CAST: variants seen among roughly 807,000 people sequenced by gnomAD.
The protein encoded by CAST is calpastatin, also known as MIR583 host.
In CAST, 76 loss-of-function variants were observed where a neutral mutation model predicts 119.6. The observed-to-expected ratio is 0.64, with a 90% CI of 0.53 to 0.77. CAST has a LOEUF of 0.77. CAST is among the 30% of genes least tolerant of loss of function. CAST has a pLI of 0.00. For missense variants in CAST, 953 were observed against 946.5 expected (o/e 1.01, Z -0.09); for synonymous variants, 319 against 331.6 (o/e 0.96, Z 0.41).
At chr5:96,412,480 C>G in the CAST span, 3 of 1,614,002 alleles carry the variant, frequency 1.9e-6, no homozygotes, top group Non-Finnish European at 1.7e-6. Flanking sequence ...TGCCATCCAG[C>G]ATTCTTATGC....
chr5:96,641,373 G>T (rs2150203398), intron 1 of CAST, among the ~76,000 whole-genome samples: 1 of 152,144 alleles, frequency 6.6e-6, no homozygotes, highest in African/African-American at 2.4e-5. Flanking sequence ...CCATCTTCTG[G>T]TTCCTTGTTA....
the CAST span, among the ~76,000 whole-genome samples, chr5:96,377,729 A>G: frequency 7.2e-5 from 11 of 152,230 alleles, no homozygotes; most frequent in South Asian, 2.1e-3. Flanking sequence ...ATGTGCAACT[A>G]TTTACCCATT....
intron 2 of CAST, among the ~76,000 whole-genome samples, chr5:96,690,090 T>C (rs1752552253): frequency 6.6e-6 from 1 of 152,132 alleles, no homozygotes; most frequent in Non-Finnish European, 1.5e-5. Flanking sequence ...CTTGAGGGGT[T>C]CCACTTGAGA....
the CAST span, among the ~76,000 whole-genome samples, chr5:95,997,093 C>A: frequency 1.1e-4 from 16 of 152,134 alleles, no homozygotes; most frequent in Non-Finnish European, 2.2e-4. Flanking sequence ...TACAATGACT[C>A]AACAGATTCT....
the CAST span, among the ~76,000 whole-genome samples, chr5:96,283,344 G>A: frequency 1.1e-4 from 16 of 152,056 alleles, no homozygotes; most frequent in Non-Finnish European, 1.8e-4. Flanking sequence ...AGAGTATAAG[G>A]GGCTTCAAAA....
chr5:96,349,989 T>C, the CAST span, among the ~76,000 whole-genome samples: 8 of 152,288 alleles, frequency 5.3e-5, no homozygotes, highest in African/African-American at 1.9e-4. Flanking sequence ...ACACACTTGA[T>C]TGACAATCGA....
chr5:96,739,291 T>C (rs1013587103), intron 11 of CAST, among the ~76,000 whole-genome samples: 6 of 152,160 alleles, frequency 3.9e-5, no homozygotes, highest in Non-Finnish European at 8.8e-5. Flanking sequence ...GCCTTGCCCA[T>C]GTGTGCAAGG....
chr5:96,724,463 A>G (rs1018189829), intron 4 of CAST, among the ~76,000 whole-genome samples: 1 of 152,114 alleles, frequency 6.6e-6, no homozygotes, highest in Non-Finnish European at 1.5e-5. Context: ...GATTACAGGC[A>G]TGAGCCACTG....
upstream of CAST, among the ~76,000 whole-genome samples, chr5:96,658,315 A>C (rs887136073): frequency 2.6e-5 from 4 of 152,166 alleles, no homozygotes; most frequent in African/African-American, 9.7e-5. Context: ...GCACATACAC[A>C]AAAGAAGCAA....
chr5:96,501,579 A>C, the CAST span, among the ~76,000 whole-genome samples: 2 of 152,242 alleles, frequency 1.3e-5, no homozygotes, highest in African/African-American at 2.4e-5. Context: ...AATTGACCAG[A>C]GGAAAATGTG....
chr5:96,452,640 T>TTAAAAA, the CAST span, among the ~76,000 whole-genome samples: 1 of 90,140 alleles, frequency 1.1e-5, no homozygotes, highest in African/African-American at 5.1e-5. Flanking sequence ...TAAAGTATAA[T>TTAAAAA]AAAAAAAAAA....
At chr5:96,224,918 T>A in the CAST span, among the ~76,000 whole-genome samples, 3 of 152,228 alleles carry the variant, frequency 2.0e-5, no homozygotes, top group African/African-American at 7.2e-5. Context: ...TCAGCTCATG[T>A]GCCCACCCCT....
chr5:96,065,036 A>C, the CAST span, among the ~76,000 whole-genome samples: 3 of 152,124 alleles, frequency 2.0e-5, no homozygotes, highest in East Asian at 5.8e-4. Context: ...TTAAAAGCTA[A>C]CTGTTGCCTT....
At chr5:95,965,955 T>A in the CAST span, among the ~76,000 whole-genome samples, 1 of 152,202 alleles carries the variant, frequency 6.6e-6, no homozygotes, top group African/African-American at 2.4e-5. Flanking sequence ...TCATCATTAT[T>A]GCTAAATTTG....
chr5:96,374,593 G>A, the CAST span, among the ~76,000 whole-genome samples: 1 of 152,186 alleles, frequency 6.6e-6, no homozygotes, highest in Non-Finnish European at 1.5e-5. Flanking sequence ...TGTGTCTGCT[G>A]AACATCTTTT....
At chr5:96,267,652 C>T in the CAST span, among the ~76,000 whole-genome samples, 1 of 152,042 alleles carries the variant, frequency 6.6e-6, no homozygotes, top group African/African-American at 2.4e-5. Flanking sequence ...CACCACCAGA[C>T]CTGTCTTATA....
intron 1 of CAST, among the ~76,000 whole-genome samples, chr5:96,553,016 T>C (rs988079304): frequency 1.3e-5 from 2 of 152,178 alleles, no homozygotes; most frequent in African/African-American, 4.8e-5. Flanking sequence ...TCTGAAACTA[T>C]TCTGATCAAT....
At chr5:96,195,034 G>A in the CAST span, among the ~76,000 whole-genome samples, 1 of 152,338 alleles carries the variant, frequency 6.6e-6, no homozygotes, top group East Asian at 1.9e-4. Flanking sequence ...GGACCCGAAA[G>A]CTATATTAAT....
intron 1 of CAST, among the ~76,000 whole-genome samples, chr5:96,650,879 T>G (rs184459811): frequency 6.6e-6 from 1 of 152,178 alleles, no homozygotes; most frequent in African/African-American, 2.4e-5. Flanking sequence ...AGCAAAGAAT[T>G]TTTTCAACAG....
Sources: allele counts gnomAD v4.1 joint callset (sites outside exome capture counted in the v4.1 genomes callset), GRCh38; gene constraint gnomAD v4.1.1; transcripts MANE v1.5; gene names NCBI Gene and HGNC (gene_info 2026-07-23, HGNC 2026-07-21).